CP: variants seen among roughly 807,000 people sequenced by gnomAD.
CP encodes caeruloplasmin.
In CP, 64 loss-of-function variants were observed where a neutral mutation model predicts 122.4. That is an observed-to-expected ratio of 0.52 (90% CI 0.43 to 0.64). CP has a LOEUF of 0.64. Ranked by LOEUF, CP falls within the 30% of genes least tolerant of loss-of-function variation. The pLI is 0.00. For missense variants in CP, 1,167 were observed against 1,284.4 expected (o/e 0.91, Z 1.40); for synonymous variants, 440 against 436.4 (o/e 1.01, Z -0.10).
At chr3:149,196,410 G>A (rs1310834994) in intron 9 of CP, among the ~76,000 whole-genome samples, 4 of 152,220 alleles carry the variant, frequency 2.6e-5, no homozygotes, top group Admixed American at 2.6e-4. Flanking sequence ...AGAAACAATT[G>A]TTTGCCCAAT....
At chr3:149,219,398 G>A (rs1728665190) in intron 1 of CP, among the ~76,000 whole-genome samples, 1 of 152,184 alleles carries the variant, frequency 6.6e-6, no homozygotes, top group South Asian at 2.1e-4. Flanking sequence ...CACATGTCAA[G>A]GGAGGGGGCC....
Position 149,198,408 on chromosome 3 carries a change from T to A in CP, c.1672A>T (p.Lys558Ter). The change falls in exon 9 of 19, where the codon AAA (lysine) becomes TAA (stop). Residue 558 changes from lysine (K) to a stop codon, truncating the protein, a stop_gained. Coordinates refer to ENST00000264613, the MANE Select transcript of CP (RefSeq NM_000096.4). LOFTEE classifies it high-confidence loss of function. ...DIFTGLIGPMKICKKGSLHAN... is the reference protein window; with the variant it reads ...DIFTGLIGPM Reference sequence around the variant, plus strand: ...TGTAAACTTCCTTTCTTGCATATTTTCATTGGCCCAATAAGCCCAGTGAAT... The same window carrying A: ...TGTAAACTTCCTTTCTTGCATATTTACATTGGCCCAATAAGCCCAGTGAAT... 1 of 1,614,040 alleles carries A rather than the reference T, an allele frequency of 6.2e-7. No homozygotes were observed. The highest frequency in any genetic ancestry group is 8.5e-7 in the Non-Finnish European group (1 of 1,179,856).
chr3:149,212,597 G>A lies in CP; in HGVS notation c.248C>T (p.Thr83Ile). 3.7e-6 allele frequency: 6 copies of A among 1,613,976 alleles called. No homozygotes were observed. The highest frequency in any genetic ancestry group is 3.4e-6 in the Non-Finnish European group (4 of 1,179,962). The part of the protein sequence containing the change: ...LQYTDETFRT[T>I]IEKPVWLGFL... ...CCCAAGCCAGACCGGTTTTTCTATAGTTGTCCTAAAGGTTTCATCTGTGTA... is the reference window on the plus strand; with the variant it reads ...CCCAAGCCAGACCGGTTTTTCTATAATTGTCCTAAAGGTTTCATCTGTGTA... Residue 83 changes from threonine to isoleucine, a missense_variant, in exon 2 of 19, where the codon ACT becomes ATT. This residue lies in a region of CP where 642 missense variants were observed against 627.3 expected (regional missense o/e 1.02). Transcript: ENST00000264613.
intron 1 of CP, among the ~76,000 whole-genome samples, chr3:149,219,297 C>T (rs1348634256): frequency 6.6e-6 from 1 of 152,102 alleles, no homozygotes. Flanking sequence ...TTTAAGGAGC[C>T]TTAAGTATCT....
intron 12 of CP, among the ~76,000 whole-genome samples, chr3:149,184,028 C>CTTTTT (rs869206210): frequency 0.034 from 2,182 of 63,568 alleles, 293 homozygotes; most frequent in Non-Finnish European, 0.044. Flanking sequence ...TCACTTACTT[C>CTTTTT]TTTTTTTTTT....
downstream of CP, chr3:149,167,951 A>G: frequency 2.5e-6 from 4 of 1,599,238 alleles, no homozygotes; most frequent in Non-Finnish European, 3.4e-6. Context: ...TGTGGTGGAG[A>G]GAAGTATCAA....
In CP at chr3:149,186,119, T is replaced by A. The variant is rs1726153131; in HGVS notation, c.2077+401A>T. The A allele has an allele frequency of 2.9e-5, 8 of 271,482 alleles. No individual in the cohort carries two copies. The South Asian group carries it at 3.6e-4, about 12-fold the overall frequency. The allele number at this position is 271,482 out of a possible 1,614,324, so 16.8% of individuals were successfully genotyped here. On this transcript the variant is annotated intron_variant, in intron 11 of 18. Coordinates refer to ENST00000264613, the MANE Select transcript of CP (RefSeq NM_000096.4). Reference sequence around the variant, plus strand: ...TGGCTACAATGCTAGCATAGAATATTCACTTGCAACCAACAAGCCAACACT... The same window carrying A: ...TGGCTACAATGCTAGCATAGAATATACACTTGCAACCAACAAGCCAACACT...
At chr3:149,188,397 T>C (rs996885834) in intron 9 of CP, among the ~76,000 whole-genome samples, 195 bp from the exon 10 acceptor site, 1 of 150,116 alleles carries the variant, frequency 6.7e-6, no homozygotes, top group African/African-American at 2.5e-5. Context: ...TTTAGTGGAT[T>C]TGTGGTTCAA....
At chr3:149,176,506 T>C in intron 17 of CP, 94 bp from the exon 18 acceptor site, 1 of 1,016,436 alleles carries the variant, frequency 9.8e-7, no homozygotes, top group Non-Finnish European at 1.5e-6. Context: ...ATTGAAAAAA[T>C]GGATAAATCT....
At chr3:149,210,482 T>A in intron 2 of CP, 103 bp from the exon 3 acceptor site, 1 of 991,614 alleles carries the variant, frequency 1.0e-6, no homozygotes, top group Non-Finnish European at 1.6e-6. Context: ...ATTAAACATC[T>A]ACTATGTGAT....
Position 149,206,302 on chromosome 3 carries a change from G to A in CP, c.1074C>T (p.Asn358=), listed in dbSNP as rs780673168. The change falls in exon 6 of 19, where the codon AAC becomes AAT. Residue 358 remains asparagine, a synonymous_variant. Coordinates refer to ENST00000264613, the MANE Select transcript of CP (RefSeq NM_000096.4). ...GGATATTATCCTTTGATGAAGACTT[G>A]TTACACTCCTGGACCTGGAAAAAGG... ...LQAFFQVQEC[N]KSSSKDNIRG... The A allele has an allele frequency of 3.1e-6, 5 of 1,613,776 alleles. No homozygotes were observed. In the East Asian group the frequency reaches 1.1e-4, roughly 36 times the overall value.
chr3:149,198,161 C>T (rs1483210009), intron 9 of CP, among the ~76,000 whole-genome samples: 1 of 151,976 alleles, frequency 6.6e-6, no homozygotes, highest in Non-Finnish European at 1.5e-5. Flanking sequence ...CATTGATTGG[C>T]TATTTGATAA....
intron 17 of CP, 109 bp downstream of exon 17, chr3:149,177,731 T>G: frequency 8.7e-7 from 1 of 1,143,858 alleles, no homozygotes. Flanking sequence ...AAGCACCGGC[T>G]GTACTCTTTG....
intron 10 of CP, among the ~76,000 whole-genome samples, chr3:149,187,394 G>C (rs1359340147): frequency 6.6e-6 from 1 of 152,022 alleles, no homozygotes; most frequent in Non-Finnish European, 1.5e-5. Flanking sequence ...TTAGTGGTGT[G>C]GGCCTTTTGA....
intron 14 of CP, 142 bp downstream of exon 14, chr3:149,181,863 A>G: frequency 3.2e-6 from 3 of 937,300 alleles, no homozygotes; most frequent in Non-Finnish European, 3.4e-6. Flanking sequence ...TTGCATACAC[A>G]CAGACACCTC....
chr3:149,176,242 A>T lies in CP; in HGVS notation c.3181+8T>A. 1 of 1,611,332 alleles carries T rather than the reference A, an allele frequency of 6.2e-7. No homozygotes were observed. The highest frequency in any genetic ancestry group is 8.5e-7 in the Non-Finnish European group (1 of 1,179,080). ...TATGGCTTCTAGAATTACTACCTGGATATTCACCTTCATTTTGTAGAACGG... is the reference window on the plus strand; with the variant it reads ...TATGGCTTCTAGAATTACTACCTGGTTATTCACCTTCATTTTGTAGAACGG... On this transcript the variant is annotated splice_region_variant and intron_variant, in intron 18 of 18. Coordinates refer to ENST00000264613, the MANE Select transcript of CP (RefSeq NM_000096.4).
chr3:149,197,478 A>T (rs1726968446), intron 9 of CP, among the ~76,000 whole-genome samples: 1 of 152,042 alleles, frequency 6.6e-6, no homozygotes, highest in Admixed American at 6.6e-5. Flanking sequence ...GTACTCCCTG[A>T]CAGAAGTGCC....
downstream of CP, chr3:149,168,289 T>C (rs1198996417): frequency 3.1e-6 from 1 of 325,170 alleles, no homozygotes; most frequent in East Asian, 7.1e-5. Context: ...TTACATCTTT[T>C]ATCAATGATC....
intron 1 of CP, among the ~76,000 whole-genome samples, chr3:149,221,024 C>G (rs1008832353): frequency 6.6e-6 from 1 of 151,932 alleles, no homozygotes; most frequent in South Asian, 2.1e-4. Context: ...TGAGGACCAT[C>G]CTAATAAGTA....
Sources: gnomAD v4.1 joint callset for allele counts (sites outside exome capture counted in the v4.1 genomes callset) on GRCh38, gnomAD v4.1.1 for gene constraint, gnomAD v4.1.1 regional missense constraint, MANE v1.5 for transcripts, NCBI Gene and HGNC (gene_info 2026-07-23, HGNC 2026-07-21) for gene names.